Variants in LAMC2 observed in about 807,000 individuals in gnomAD.
The protein encoded by LAMC2 is laminin subunit gamma-2.
In LAMC2, 97 loss-of-function variants were observed where a neutral mutation model predicts 140.2. That is an observed-to-expected ratio of 0.69 (90% CI 0.59 to 0.82). The LOEUF (loss-of-function observed/expected upper bound fraction) is 0.82, where lower values mean the gene tolerates loss of function less well. Ranked by LOEUF, LAMC2 falls within the 40% of genes least tolerant of loss-of-function variation. The pLI is 0.00. For synonymous variants in LAMC2, 513 were observed against 540.2 expected, an observed-to-expected ratio of 0.95 and a Z score of 0.70; for missense variants, 1,402 against 1,476.1, an observed-to-expected ratio of 0.95 and a Z score of 0.82.
the LAMC2 span, chr1:183,252,432 A>G: frequency 3.3e-6 from 1 of 303,964 alleles, no homozygotes; most frequent in Non-Finnish European, 6.6e-6. Context: ...ACCCACCCCC[A>G]ACCCGGAGAC....
At chr1:183,207,037 A>G (rs887690319) in intron 1 of LAMC2, among the ~76,000 whole-genome samples, 5 of 152,246 alleles carry the variant, frequency 3.3e-5, no homozygotes, top group African/African-American at 1.2e-4. Context: ...AGGGAGGCAG[A>G]TAATGCAGTC....
chr1:183,191,799 C>T (rs1658344068), intron 1 of LAMC2, among the ~76,000 whole-genome samples: 2 of 151,556 alleles, frequency 1.3e-5, no homozygotes, highest in Admixed American at 6.6e-5. Context: ...GCAGAGATTG[C>T]AGTGACCCAA....
rs1032795420 is a variant in LAMC2, at chr1:183,244,780, G to A, written c.*1380G>A. 1 of 152,620 alleles carries A rather than the reference G, an allele frequency of 6.6e-6. No individual in the cohort carries two copies. The highest frequency in any genetic ancestry group is 1.5e-5 in the Non-Finnish European group (1 of 68,040). The allele number at this position is 152,620 out of a possible 1,614,324, so 9.5% of individuals were successfully genotyped here. A position where few individuals can be genotyped will look rare whatever the true frequency, so the allele number is the denominator to read the frequency against. ...ACTGTTGAGTTATGATAACACCAGT[G>A]GGAATTGCTGGAGGAACCAGAGGCA... On this transcript the variant is annotated 3_prime_UTR_variant, in exon 23 of 23. Transcript: ENST00000264144.
In LAMC2 at chr1:183,223,191, C is replaced by T. The variant is rs1341044953; in HGVS notation, c.820C>T (p.Arg274Cys). ...SYGQSLSFDY[R>C]VDRGGRHPSA... ...TGGTCAAAGCCTGTCCTTTGACTAC[C>T]GTGTGGACAGAGGAGGCAGACACCC... The change falls in exon 7 of 23, where the codon CGT becomes TGT. Residue 274 changes from arginine to cysteine, a missense_variant. Coordinates refer to ENST00000264144, the MANE Select transcript of LAMC2 (RefSeq NM_005562.3). 38 of 1,613,960 alleles carry T rather than the reference C, an allele frequency of 2.4e-5. No homozygotes were observed. Among genetic ancestry groups the T allele is most frequent in the Non-Finnish European group, 3.1e-5 (37 of 1,179,998 alleles).
intron 4 of LAMC2, 59 bp from the exon 5 acceptor site, chr1:183,220,766 T>C: frequency 6.5e-7 from 1 of 1,536,744 alleles, no homozygotes; most frequent in Non-Finnish European, 8.9e-7. Flanking sequence ...ATTCATCATA[T>C]TTTTTCTATA....
chr1:183,238,223 G>A, intron 18 of LAMC2, 84 bp from the exon 19 acceptor site: 1 of 963,110 alleles, frequency 1.0e-6, no homozygotes, highest in Non-Finnish European at 1.7e-6. Flanking sequence ...ACAATGATCT[G>A]CTGTCATGAA....
Position 183,195,802 on chromosome 1 carries a change from C to CATGAAGGATTCAATGA in LAMC2, c.79+9372_79+9373insTGAAGGATTCAATGAA, listed in dbSNP as rs60648246. Among the ~76,000 whole-genome samples the CATGAAGGATTCAATGA allele has an allele frequency of 2.0e-5, 3 of 151,790 alleles. No individual in the cohort carries two copies. In the East Asian group the frequency reaches 5.8e-4, roughly 30 times the overall value. ...CACATTAAACAATGAAGTTCAAGGC[C>CATGAAGGATTCAATGA]AGTTTAAATGATGAAGGATTCAGAT... On this transcript the variant is annotated intron_variant, in intron 1 of 22. Transcript: ENST00000264144.
intron 3 of LAMC2, among the ~76,000 whole-genome samples, chr1:183,216,991 G>A (rs1659287442): frequency 6.6e-6 from 1 of 152,200 alleles, no homozygotes; most frequent in African/African-American, 2.4e-5. Context: ...TTGTCAGATG[G>A]TCCAGATAAG....
At chr1:183,189,658 G>C (rs941237162) in intron 1 of LAMC2, among the ~76,000 whole-genome samples, 1 of 152,200 alleles carries the variant, frequency 6.6e-6, no homozygotes, top group Non-Finnish European at 1.5e-5. Flanking sequence ...ACTTAAAAAA[G>C]AGATAGAGGA....
At chr1:183,197,942 G>A (rs1658574632) in intron 1 of LAMC2, among the ~76,000 whole-genome samples, 1 of 151,988 alleles carries the variant, frequency 6.6e-6, no homozygotes, top group Non-Finnish European at 1.5e-5. Flanking sequence ...CTTGAATAGG[G>A]AAGGTCAGAA....
At chr1:183,207,804 C>A in intron 1 of LAMC2, 77 bp from the exon 2 acceptor site, 1 of 1,214,576 alleles carries the variant, frequency 8.2e-7, no homozygotes, top group Non-Finnish European at 1.2e-6. Flanking sequence ...TCAATAATAA[C>A]ATAAACACCT....
At chr1:183,194,978 A>T (rs1658468396) in intron 1 of LAMC2, among the ~76,000 whole-genome samples, 1 of 152,202 alleles carries the variant, frequency 6.6e-6, no homozygotes, top group Non-Finnish European at 1.5e-5. Flanking sequence ...TGCAGCTGAC[A>T]GCAGCTGTCT....
At position 183,186,272 on chromosome 1, in the gene LAMC2, G is replaced by A; in HGVS notation, c.-81G>A. The stretch of plus-strand genomic sequence containing the variant: ...TCAAGGAAAAGGAAGGCACAGCGGA[G>A]CGCAGAGTGAGAACCACCAACCGAG... On this transcript the variant is annotated 5_prime_UTR_variant, in exon 1 of 23. Transcript: ENST00000264144. 2 of 1,530,008 alleles carry A rather than the reference G, an allele frequency of 1.3e-6. No homozygotes were observed. The highest frequency in any genetic ancestry group is 1.2e-5 in the South Asian group (1 of 83,546). The allele number at this position is 1,530,008 out of a possible 1,614,324, so 94.8% of individuals were successfully genotyped here. A position where few individuals can be genotyped will look rare whatever the true frequency, so the allele number is the denominator to read the frequency against.
chr1:183,237,721 A>C (rs1660010138), intron 18 of LAMC2, among the ~76,000 whole-genome samples: 1 of 152,150 alleles, frequency 6.6e-6, no homozygotes, highest in South Asian at 2.1e-4. Flanking sequence ...CTCTACAAAA[A>C]ATAAAAAATA....
Position 183,243,309 on chromosome 1 carries a change from A to G in LAMC2, c.3491A>G (p.Asp1164Gly), listed in dbSNP as rs1482331676. Reference protein sequence around the residue: ...GHLHLLETSIDGILADVKNLE... With the variant: ...GHLHLLETSIGGILADVKNLE... ...CTCCATTTGCTGGAGACAAGCATAG[A>G]TGGGATTCTGGCTGATGTGAAGAAC... Residue 1164 changes from aspartate (D) to glycine (G), a missense_variant, in exon 23 of 23, where the codon GAT becomes GGT. By Grantham distance (94) the Asp-to-Gly change is moderately conservative. Around this residue, in one of 3 missense-constraint regions of LAMC2, gnomAD observed 670 missense variants for 667.2 expected, o/e 1.00. Coordinates refer to ENST00000264144, the MANE Select transcript of LAMC2 (RefSeq NM_005562.3). 2 of 1,614,070 alleles carry G rather than the reference A, an allele frequency of 1.2e-6. No homozygotes were observed. The highest frequency in any genetic ancestry group is 1.7e-6 in the Non-Finnish European group (2 of 1,180,032).
In LAMC2 at chr1:183,223,295, T is replaced by C. The variant is rs745749650; in HGVS notation, c.924T>C (p.Pro308=). The change falls in exon 7 of 23, where the codon CCT becomes CCC. Residue 308 remains proline, a synonymous_variant. Transcript: ENST00000264144. Reference sequence around the variant, plus strand: ...TGATGCCACTTGGCAAGACACTGCCTTGTGGGCTCACCAAGACTTACACAT... The same window carrying C: ...TGATGCCACTTGGCAAGACACTGCCCTGTGGGCTCACCAAGACTTACACAT... ...APLMPLGKTL[P]CGLTKTYTFR... 10 of 1,614,202 alleles carry C rather than the reference T, an allele frequency of 6.2e-6. No individual in the cohort carries two copies. In the South Asian group the frequency reaches 1.1e-4, roughly 18 times the overall value.
intron 5 of LAMC2, 71 bp downstream of exon 5, chr1:183,221,032 C>T: frequency 1.5e-6 from 2 of 1,377,570 alleles, no homozygotes. Flanking sequence ...AGACAACCAC[C>T]TCCGCATTCA....
chr1:183,241,407 A>C lies in LAMC2; in HGVS notation c.3328+1016A>C, dbSNP rs766596761. 6 of 800,636 alleles carry C rather than the reference A, an allele frequency of 7.5e-6. No individual in the cohort carries two copies. The African/African-American group carries it at 1.1e-4, about 15-fold the overall frequency. The allele number at this position is 800,636 out of a possible 1,614,324, so 49.6% of individuals were successfully genotyped here. A position where few individuals can be genotyped will look rare whatever the true frequency, so the allele number is the denominator to read the frequency against. On this transcript the variant is annotated intron_variant, in intron 22 of 22. Transcript: ENST00000264144. ...GTGATGAGAGTAGGCCTGTGAGATA[A>C]TTTTAGGAAGATCTGATGGCACAGC...
intron 17 of LAMC2, among the ~76,000 whole-genome samples, 200 bp downstream of exon 17, chr1:183,236,804 G>A (rs1167178022): frequency 6.6e-6 from 1 of 152,152 alleles, no homozygotes; most frequent in African/African-American, 2.4e-5. Context: ...GAAAGGATTT[G>A]ACCCATGCTA....
Sources: allele counts gnomAD v4.1 joint callset (sites outside exome capture counted in the v4.1 genomes callset), GRCh38; gene constraint gnomAD v4.1.1; regional missense constraint gnomAD v4.1.1; transcripts MANE v1.5; gene names NCBI Gene and HGNC (gene_info 2026-07-23, HGNC 2026-07-21).